The following LPGAT1 variants were observed in gnomAD, a reference collection of about 807,000 sequenced individuals.
LPGAT1 encodes the protein lysophosphatidylglycerol acyltransferase 1.
A neutral mutation model predicts 47.5 loss-of-function variants in LPGAT1; 11 were observed. That is an observed-to-expected ratio of 0.23 (90% CI 0.15 to 0.38). LPGAT1 has a LOEUF of 0.38. Among genes scored for constraint, LPGAT1 ranks in the 10% least tolerant of loss-of-function variants. The pLI, the probability that LPGAT1 is intolerant of heterozygous loss-of-function variation, is 1.00. For synonymous variants in LPGAT1, 138 were observed against 144.2 expected, an observed-to-expected ratio of 0.96 and a Z score of 0.31; for missense variants, 293 against 439.0, an observed-to-expected ratio of 0.67 and a Z score of 2.97.
chr1:211,784,838 C>T (rs1347619037), intron 4 of LPGAT1, among the ~76,000 whole-genome samples: 4 of 146,000 alleles, frequency 2.7e-5, no homozygotes, highest in Non-Finnish European at 5.9e-5. Flanking sequence ...GAGTCTCGCT[C>T]TGTTGCCCAG....
At chr1:211,770,633 A>G (rs1330938721) in intron 6 of LPGAT1, among the ~76,000 whole-genome samples, 1 of 151,946 alleles carries the variant, frequency 6.6e-6, no homozygotes, top group Non-Finnish European at 1.5e-5. Context: ...TAGCACAATT[A>G]CTTTATTTTT....
intron 2 of LPGAT1, among the ~76,000 whole-genome samples, chr1:211,815,235 T>C (rs971250486): frequency 1.3e-5 from 2 of 152,204 alleles, no homozygotes; most frequent in African/African-American, 4.8e-5. Flanking sequence ...ATCTACCCTA[T>C]GCTAAATTTT....
At position 211,744,773 on chromosome 1, in the gene LPGAT1, C is replaced by T. The variant is rs4480424; in HGVS notation, c.*5126G>A. On this transcript the variant is annotated 3_prime_UTR_variant, in exon 8 of 8. Transcript: ENST00000366997. ...GTGAACTGCTAAACATTTACCAGCACACCACTGGATTGGGAGAATGGGGAG... is the reference window on the plus strand; with the variant it reads ...GTGAACTGCTAAACATTTACCAGCATACCACTGGATTGGGAGAATGGGGAG... 51,058 of 151,806 alleles carry T rather than the reference C, an allele frequency of 0.34. 10,134 individuals carry two copies. The highest frequency in any genetic ancestry group is 0.72 in the East Asian group (3,702 of 5,164). 9.4% of individuals were successfully genotyped at this position (151,806 alleles called of 1,614,324 possible). A position where few individuals can be genotyped will look rare whatever the true frequency, so the allele number is the denominator to read the frequency against.
Position 211,829,202 on chromosome 1 carries a change from G to C in LPGAT1, c.95C>G (p.Ala32Gly). The change falls in exon 2 of 8, where the codon GCT (alanine) becomes GGT (glycine). Residue 32 changes from alanine to glycine, a missense_variant. Ala to Gly is a moderately conservative substitution (Grantham distance 60). Transcript: ENST00000366997. ...TACATAGCAGATGTAGGATGGAATAGCAACCAGGTTGTTGACGACCATGAA... is the reference window on the plus strand; with the variant it reads ...TACATAGCAGATGTAGGATGGAATACCAACCAGGTTGTTGACGACCATGAA... ...FAFMVVNNLVAIPSYICYVII... is the reference protein window; with the variant it reads ...FAFMVVNNLVGIPSYICYVII... 6.2e-7 allele frequency: 1 copy of C among 1,614,162 alleles called. No homozygotes were observed.
chr1:211,760,169 G>C (rs765215666), intron 6 of LPGAT1, among the ~76,000 whole-genome samples: 1 of 152,194 alleles, frequency 6.6e-6, no homozygotes, highest in Non-Finnish European at 1.5e-5. Context: ...TTTAAGAATA[G>C]AGATATCGGG....
chr1:211,827,465 A>C (rs1376214617), intron 2 of LPGAT1, among the ~76,000 whole-genome samples: 2 of 152,244 alleles, frequency 1.3e-5, no homozygotes, highest in Non-Finnish European at 2.9e-5. Flanking sequence ...CCATGCTAAC[A>C]ATTAAATACA....
rs1046026808 is a variant in LPGAT1 at position 211,749,643 on chromosome 1, T to C, written c.*256A>G. On this transcript the variant is annotated 3_prime_UTR_variant, in exon 8 of 8. Transcript: ENST00000366997. ...ATTTTATGATTTCCTCTTCTCCAAA[T>C]GTGATGTTTGCTTAAATATGTGATA... is the stretch of plus-strand genomic sequence containing the variant. 7.6e-6 allele frequency: 3 copies of C among 395,266 alleles called. No homozygotes were observed. Among genetic ancestry groups the C allele is most frequent in the African/African-American group, 6.4e-5 (3 of 47,150 alleles). The allele number at this position is 395,266 out of a possible 1,614,324, so 24.5% of individuals were successfully genotyped here.
At chr1:211,815,954 AT>A (rs1410288024) in intron 2 of LPGAT1, among the ~76,000 whole-genome samples, 1 of 149,904 alleles carries the variant, frequency 6.7e-6, no homozygotes. Context: ...AATTTTTTGT[AT>A]TTTTTTTAGT....
chr1:211,817,290 C>T (rs905070008), intron 2 of LPGAT1, among the ~76,000 whole-genome samples: 25 of 152,102 alleles, frequency 1.6e-4, no homozygotes, highest in African/African-American at 4.8e-4. Context: ...AACCATCCGT[C>T]GCTGGGCATG....
intron 2 of LPGAT1, among the ~76,000 whole-genome samples, chr1:211,796,665 T>C (rs1333966379): frequency 1.3e-5 from 2 of 152,182 alleles, no homozygotes; most frequent in Non-Finnish European, 2.9e-5. Context: ...ATTTTCCCCA[T>C]CCTCTCTCTT....
Position 211,744,635 on chromosome 1 carries a change from T to C in LPGAT1, c.*5264A>G, listed in dbSNP as rs1172970302. 1 of 152,240 alleles carries C rather than the reference T, an allele frequency of 6.6e-6. No individual in the cohort carries two copies. Among genetic ancestry groups the C allele is most frequent in the Non-Finnish European group, 1.5e-5 (1 of 68,034 alleles). The allele number at this position is 152,240 out of a possible 1,614,324, so 9.4% of individuals were successfully genotyped here. On this transcript the variant is annotated 3_prime_UTR_variant, in exon 8 of 8. Coordinates refer to ENST00000366997, the MANE Select transcript of LPGAT1 (RefSeq NM_014873.3). ...GTGAGAATCAACTGGCTATATGGGA[T>C]TTACAATAAAGTATTTGTATCTTAT... is the stretch of plus-strand genomic sequence containing the variant.
In LPGAT1 at chr1:211,788,774, T is replaced by C. The variant is rs549332661; in HGVS notation, c.358-1047A>G. Among the ~76,000 whole-genome samples the C allele has an allele frequency of 5.9e-5, 9 of 152,266 alleles. No individual in the cohort carries two copies. In the South Asian group the frequency reaches 1.9e-3, roughly 32 times the overall value. On this transcript the variant is annotated intron_variant, in intron 3 of 7. Coordinates refer to ENST00000366997, the MANE Select transcript of LPGAT1 (RefSeq NM_014873.3). Reference sequence around the variant, plus strand: ...GCTGAGGAAATAGCATTCCTTGTTATAAGCCTTAACTAAAGTGAAAGCTAC... The same window carrying C: ...GCTGAGGAAATAGCATTCCTTGTTACAAGCCTTAACTAAAGTGAAAGCTAC...
At chr1:211,791,741 C>T (rs1173153293) in intron 3 of LPGAT1, among the ~76,000 whole-genome samples, 3 of 109,366 alleles carry the variant, frequency 2.7e-5, no homozygotes, top group South Asian at 5.8e-4. Context: ...TGCAAGACTC[C>T]ATCTCAAAAA....
intron 6 of LPGAT1, among the ~76,000 whole-genome samples, chr1:211,754,073 A>G (rs1406345905): frequency 6.6e-6 from 1 of 152,130 alleles, no homozygotes; most frequent in Non-Finnish European, 1.5e-5. Context: ...ACATCACTTC[A>G]CCATGCTGTT....
At chr1:211,777,229 A>C (rs534939226) in intron 6 of LPGAT1, among the ~76,000 whole-genome samples, 1 of 152,068 alleles carries the variant, frequency 6.6e-6, no homozygotes, top group East Asian at 1.9e-4. Flanking sequence ...CCCTCTCACA[A>C]GTTTCTTGCA....
chr1:211,800,741 G>A lies in LPGAT1; in HGVS notation c.239-7551C>T, dbSNP rs1659544145. 2.0e-5 allele frequency among the ~76,000 whole-genome samples: 3 copies of A among 152,190 alleles called. No homozygotes were observed. The South Asian group carries it at 6.2e-4, about 31-fold the overall frequency. ...CCCAATCTCCTTTGAGAAGCACTAAGTTAAAATTATGTCAATATAAGCCTG... is the reference window on the plus strand; with the variant it reads ...CCCAATCTCCTTTGAGAAGCACTAAATTAAAATTATGTCAATATAAGCCTG... On this transcript the variant is annotated intron_variant, in intron 2 of 7. Coordinates refer to ENST00000366997, the MANE Select transcript of LPGAT1 (RefSeq NM_014873.3).
In LPGAT1 at chr1:211,747,480, A is replaced by C. The variant is rs1173813508; in HGVS notation, c.*2419T>G. ...GTTTAATGTGTACAGTATATTTAAC[A>C]ATATCATGTTCCTTTGGAGCACAGT... On this transcript the variant is annotated 3_prime_UTR_variant, in exon 8 of 8. Coordinates refer to ENST00000366997, the MANE Select transcript of LPGAT1 (RefSeq NM_014873.3). The C allele has an allele frequency of 6.6e-6, 1 of 152,260 alleles. No homozygotes were observed. Among genetic ancestry groups the C allele is most frequent in the Non-Finnish European group, 1.5e-5 (1 of 68,050 alleles). 9.4% of individuals were successfully genotyped at this position (152,260 alleles called of 1,614,324 possible).
intron 6 of LPGAT1, among the ~76,000 whole-genome samples, chr1:211,759,113 G>GT (rs1359640727): frequency 2.6e-5 from 4 of 152,164 alleles, no homozygotes; most frequent in African/African-American, 9.7e-5. Flanking sequence ...CTATAACCAT[G>GT]TAAGAGGTCT....
At chr1:211,784,309 TG>T (rs1056158377) in intron 4 of LPGAT1, among the ~76,000 whole-genome samples, 41 of 152,146 alleles carry the variant, frequency 2.7e-4, no homozygotes, top group Middle Eastern at 3.4e-3. Context: ...CTGGGCAACA[TG>T]GTGAAACCCC....
Sources: allele counts gnomAD v4.1 joint callset (sites outside exome capture counted in the v4.1 genomes callset), GRCh38; gene constraint gnomAD v4.1.1; transcripts MANE v1.5; gene names NCBI Gene and HGNC (gene_info 2026-07-23, HGNC 2026-07-21).